Variants in BCAR3 observed in about 807,000 individuals in gnomAD.
BCAR3 encodes BCAR3 adaptor protein, NSP family member, also known as breast cancer anti-estrogen resistance protein 3.
Under a neutral mutation model 80.1 loss-of-function variants are expected in BCAR3, and 37 were observed. The observed-to-expected ratio is 0.46, with a 90% CI of 0.36 to 0.61. The LOEUF is 0.61. Ranked by LOEUF, BCAR3 falls within the 20% of genes least tolerant of loss-of-function variation. The probability of loss-of-function intolerance (pLI) is 0.00; values close to 1 mark genes in which losing one functional copy is unlikely to be tolerated. For missense variants in BCAR3, 978 were observed against 1,068.2 expected (o/e 0.92, Z 1.18); for synonymous variants, 389 against 418.9 (o/e 0.93, Z 0.87).
intron 11 of BCAR3, among the ~76,000 whole-genome samples, chr1:93,565,863 T>C (rs1405397958): frequency 1.3e-5 from 2 of 152,228 alleles, no homozygotes; most frequent in Non-Finnish European, 2.9e-5. Flanking sequence ...AGTTCTTAAC[T>C]TTGTGAATCA....
chr1:93,779,799 A>C (rs1006952722), intron 2 of BCAR3, among the ~76,000 whole-genome samples: 1 of 152,180 alleles, frequency 6.6e-6, no homozygotes, highest in African/African-American at 2.4e-5. Context: ...TGGCAGCTGC[A>C]ATACCCACCT....
intron 2 of BCAR3, among the ~76,000 whole-genome samples, chr1:93,764,862 G>T (rs761946799): frequency 6.6e-6 from 1 of 152,124 alleles, no homozygotes; most frequent in Non-Finnish European, 1.5e-5. Context: ...GGGAGTCTGG[G>T]TCCAGAGGTT....
At chr1:93,825,927 G>C (rs1022024086) in intron 2 of BCAR3, among the ~76,000 whole-genome samples, 1 of 152,170 alleles carries the variant, frequency 6.6e-6, no homozygotes, top group Non-Finnish European at 1.5e-5. Context: ...TTCCAGCCTA[G>C]TGGAACCATT....
intron 3 of BCAR3, among the ~76,000 whole-genome samples, chr1:93,615,584 C>G (rs1675092835): frequency 2.0e-5 from 3 of 152,210 alleles, no homozygotes; most frequent in Admixed American, 2.0e-4. Context: ...GGTGGCAGAA[C>G]TCAGAAGGGT....
At chr1:93,748,972 A>G (rs1051647954) in intron 2 of BCAR3, among the ~76,000 whole-genome samples, 1 of 152,196 alleles carries the variant, frequency 6.6e-6, no homozygotes, top group Non-Finnish European at 1.5e-5. Flanking sequence ...AAGTAGCCTC[A>G]CCACCATAAT....
In BCAR3 at chr1:93,845,339, A is replaced by C. The variant is rs567853704; in HGVS notation, c.-63+228T>G. On this transcript the variant is annotated intron_variant, in intron 2 of 13. Transcript: ENST00000370244. The stretch of plus-strand genomic sequence containing the variant: ...CCTGGCATATTTCAGAATTCAAAAA[A>C]GATTTGTTTAAATAAATACAATTTA... Among the ~76,000 whole-genome samples, 22 of 152,096 alleles carry C rather than the reference A, an allele frequency of 1.4e-4. No homozygotes were observed. The East Asian group carries it at 4.2e-3, about 29-fold the overall frequency.
At chr1:93,739,110 T>A (rs1195117912) in intron 2 of BCAR3, among the ~76,000 whole-genome samples, 1 of 152,220 alleles carries the variant, frequency 6.6e-6, no homozygotes, top group East Asian at 1.9e-4. Context: ...ATCTCCCAGG[T>A]TCTGCTCCCT....
rs538926651 is a variant in BCAR3, at chr1:93,582,883, C to T, written c.1104G>A (p.Thr368=). The part of the protein sequence containing the change: ...SPCPNSPVFR[T]GSEPALSPAV... ...CTGGGCTCAGGGCAGGCTCGCTTCCCGTCCTGAACACAGGTGAGTTTGGGC... is the reference window on the plus strand; with the variant it reads ...CTGGGCTCAGGGCAGGCTCGCTTCCTGTCCTGAACACAGGTGAGTTTGGGC... Residue 368 remains threonine (T), a synonymous_variant, in exon 7 of 12, where the codon ACG becomes ACA. Transcript: ENST00000260502. The T allele has an allele frequency of 1.4e-5, 23 of 1,610,198 alleles. No individual in the cohort carries two copies. The highest frequency in any genetic ancestry group is 1.1e-4 in the South Asian group (10 of 91,056).
At chr1:93,684,373 T>C (rs1276797456), upstream of BCAR3, among the ~76,000 whole-genome samples, 2 of 152,184 alleles carry the variant, frequency 1.3e-5, no homozygotes, top group Admixed American at 6.5e-5. Flanking sequence ...GAAGAAAACC[T>C]TGGGCAAGCC....
chr1:93,846,671 C>G (rs1332182520), intron 1 of BCAR3, among the ~76,000 whole-genome samples: 2 of 151,912 alleles, frequency 1.3e-5, no homozygotes, highest in South Asian at 2.1e-4. Flanking sequence ...CACATGCACC[C>G]GCATACGCAT....
chr1:93,763,014 C>A (rs1373819527), intron 2 of BCAR3, among the ~76,000 whole-genome samples: 1 of 152,190 alleles, frequency 6.6e-6, no homozygotes, highest in Non-Finnish European at 1.5e-5. Context: ...TTCCAAAAGA[C>A]AAATACAATC....
chr1:93,834,358 C>A (rs997164854), intron 2 of BCAR3, among the ~76,000 whole-genome samples: 3 of 152,142 alleles, frequency 2.0e-5, no homozygotes, highest in African/African-American at 7.2e-5. Flanking sequence ...CTCAATACCT[C>A]CCTCCACTAC....
At chr1:93,575,351 T>A (rs947281960) in intron 8 of BCAR3, among the ~76,000 whole-genome samples, 1 of 152,228 alleles carries the variant, frequency 6.6e-6, no homozygotes, top group Non-Finnish European at 1.5e-5. Context: ...GGCTTTGTGG[T>A]AATATGGATA....
intron 2 of BCAR3, among the ~76,000 whole-genome samples, chr1:93,652,218 A>G (rs911009699): frequency 6.6e-6 from 1 of 152,212 alleles, no homozygotes; most frequent in Non-Finnish European, 1.5e-5. Context: ...TTCTAGTTAC[A>G]GGGCTCCAAG....
At chr1:93,716,516 T>C (rs1650195859) in intron 2 of BCAR3, among the ~76,000 whole-genome samples, 1 of 152,226 alleles carries the variant, frequency 6.6e-6, no homozygotes, top group Admixed American at 6.5e-5. Context: ...CTTATCTCTC[T>C]GTCTTAGCAT....
intron 2 of BCAR3, among the ~76,000 whole-genome samples, chr1:93,820,677 G>A (rs923634910): frequency 3.3e-5 from 5 of 152,128 alleles, no homozygotes; most frequent in South Asian, 2.1e-4. Context: ...TCTGAATAAC[G>A]TTGTTTAGGG....
At chr1:93,742,120 T>C (rs1651201290) in intron 2 of BCAR3, among the ~76,000 whole-genome samples, 1 of 152,148 alleles carries the variant, frequency 6.6e-6, no homozygotes, top group Non-Finnish European at 1.5e-5. Flanking sequence ...TCCCTTTGAA[T>C]TTATCCAGGG....
At chr1:93,580,767 G>A (rs562715342) in intron 7 of BCAR3, among the ~76,000 whole-genome samples, 27 of 152,226 alleles carry the variant, frequency 1.8e-4, no homozygotes, top group Non-Finnish European at 3.1e-4. Flanking sequence ...GAATCCCGAC[G>A]GATCTGAAAA....
At chr1:93,630,078 A>G (rs977518019) in intron 3 of BCAR3, among the ~76,000 whole-genome samples, 7 of 152,254 alleles carry the variant, frequency 4.6e-5, no homozygotes, top group Non-Finnish European at 8.8e-5. Context: ...ATTTTAAAAT[A>G]ACTGAAGAGT....
Sources: allele counts gnomAD v4.1 joint callset (sites outside exome capture counted in the v4.1 genomes callset), GRCh38; gene constraint gnomAD v4.1.1; transcripts MANE v1.5; gene names NCBI Gene and HGNC (gene_info 2026-07-23, HGNC 2026-07-21).